Variants in DLC1 observed in about 807,000 individuals in gnomAD.
DLC1 encodes the protein DLC1 Rho GTPase activating protein.
DLC1 carries 54 observed loss-of-function variants against 140.3 expected under a neutral mutation model. The ratio of observed to expected loss-of-function variants is 0.38; its 90% CI spans 0.31 to 0.48. The LOEUF (loss-of-function observed/expected upper bound fraction) is 0.48. Among genes scored for constraint, DLC1 ranks in the 20% least tolerant of loss-of-function variants. DLC1 has a pLI of 0.96. For synonymous variants in DLC1, 986 were observed against 728.1 expected (o/e 1.35, Z -5.70); for missense variants, 2,536 against 1,907.0 (o/e 1.33, Z -6.14).
chr8:13,250,791 GTACT>G (rs1192735759), intron 5 of DLC1, among the ~76,000 whole-genome samples: 2 of 152,006 alleles, frequency 1.3e-5, no homozygotes, highest in Non-Finnish European at 2.9e-5. Flanking sequence ...AAAAAATAAA[GTACT>G]TACTTTAGTC....
intron 5 of DLC1, among the ~76,000 whole-genome samples, chr8:13,254,962 T>C (rs1830158066): frequency 7.9e-6 from 1 of 127,256 alleles, no homozygotes; most frequent in African/African-American, 2.8e-5. Context: ...TTATTTAAAG[T>C]ACTCTTTTTT....
intron 2 of DLC1, among the ~76,000 whole-genome samples, chr8:13,427,327 C>T (rs1838638114): frequency 6.6e-6 from 1 of 152,188 alleles, no homozygotes; most frequent in African/African-American, 2.4e-5. Context: ...TCTGTTCTGT[C>T]CTCCTGGATG....
At chr8:13,250,083 G>A (rs753715932) in intron 5 of DLC1, among the ~76,000 whole-genome samples, 2 of 152,198 alleles carry the variant, frequency 1.3e-5, no homozygotes, top group Non-Finnish European at 2.9e-5. Flanking sequence ...GGAATGGATT[G>A]CATTCATTGT....
intron 2 of DLC1, among the ~76,000 whole-genome samples, chr8:13,450,406 G>A (rs1461390361): frequency 7.8e-6 from 1 of 128,132 alleles, no homozygotes; most frequent in African/African-American, 3.0e-5. Context: ...AGTGAGCCAA[G>A]ATAGTGCCAC....
intron 2 of DLC1, among the ~76,000 whole-genome samples, chr8:13,405,173 G>T (rs552609283): frequency 1.3e-5 from 2 of 151,922 alleles, no homozygotes; most frequent in Non-Finnish European, 2.9e-5. Context: ...ACTCAGAACT[G>T]CATGTGCAGG....
intron 1 of DLC1, among the ~76,000 whole-genome samples, chr8:13,533,288 T>G (rs973874929): frequency 2.7e-4 from 41 of 152,142 alleles, no homozygotes; most frequent in Non-Finnish European, 5.7e-4. Context: ...CCTGAATTTT[T>G]CATTGTGAGA....
chr8:13,101,213 T>C (rs1158997578), intron 8 of DLC1, among the ~76,000 whole-genome samples: 1 of 152,218 alleles, frequency 6.6e-6, no homozygotes, highest in African/African-American at 2.4e-5. Flanking sequence ...GCCCGGTGTT[T>C]TGTTTTGTTC....
chr8:13,103,167 C>G (rs955749954), intron 7 of DLC1, among the ~76,000 whole-genome samples: 3 of 151,710 alleles, frequency 2.0e-5, no homozygotes, highest in Non-Finnish European at 2.9e-5. Context: ...AAAAACAAGC[C>G]GGGCCTGGTG....
At chr8:13,135,452 A>G (rs1035485541) in intron 5 of DLC1, among the ~76,000 whole-genome samples, 2 of 152,154 alleles carry the variant, frequency 1.3e-5, no homozygotes, top group Non-Finnish European at 2.9e-5. Context: ...AAGTGCTGGG[A>G]TAACAGGCGT....
chr8:13,209,127 A>C (rs1827813985), intron 5 of DLC1, among the ~76,000 whole-genome samples: 1 of 152,142 alleles, frequency 6.6e-6, no homozygotes, highest in South Asian at 2.1e-4. Context: ...AGATCTTTGG[A>C]CTGGGGAACT....
intron 5 of DLC1, among the ~76,000 whole-genome samples, chr8:13,303,188 A>C: frequency 6.6e-6 from 1 of 152,182 alleles, no homozygotes; most frequent in Admixed American, 6.5e-5. Context: ...TCTGGAGTAA[A>C]TTCCAATCAT....
intron 7 of DLC1, among the ~76,000 whole-genome samples, chr8:13,109,686 A>T (rs1430665952): frequency 1.4e-5 from 2 of 141,414 alleles, no homozygotes; most frequent in African/African-American, 6.4e-5. Context: ...GGAATTTGAG[A>T]CCATCCTGGC....
chr8:13,120,288 A>G (rs1481492322), intron 5 of DLC1, among the ~76,000 whole-genome samples: 1 of 145,124 alleles, frequency 6.9e-6, no homozygotes, highest in Non-Finnish European at 1.5e-5. Flanking sequence ...GGTGGCAGTG[A>G]GCTGAGATTG....
chr8:13,481,734 C>T (rs1470964871), intron 2 of DLC1, among the ~76,000 whole-genome samples: 1 of 152,132 alleles, frequency 6.6e-6, no homozygotes, highest in Non-Finnish European at 1.5e-5. Flanking sequence ...AATGTTATCC[C>T]CAGTACCTCA....
chr8:13,562,016 C>T (rs59936418), intron 1 of DLC1, among the ~76,000 whole-genome samples: 21,843 of 151,936 alleles, frequency 0.14, 1,845 homozygotes, highest in East Asian at 0.25. Context: ...ACAGGAGTTA[C>T]GGGTAGGTTG....
At chr8:13,424,153 C>G (rs1169857599) in intron 2 of DLC1, among the ~76,000 whole-genome samples, 2 of 151,910 alleles carry the variant, frequency 1.3e-5, no homozygotes, top group Non-Finnish European at 2.9e-5. Flanking sequence ...GAAATTAAAG[C>G]AAAACAAAAT....
chr8:13,277,661 T>C (rs1027138280), intron 5 of DLC1, among the ~76,000 whole-genome samples: 3 of 152,220 alleles, frequency 2.0e-5, no homozygotes, highest in African/African-American at 7.2e-5. Flanking sequence ...ATTTGGCAGA[T>C]TTTTTGCCTT....
At chr8:13,216,331 C>T (rs898022256) in intron 5 of DLC1, among the ~76,000 whole-genome samples, 4 of 152,166 alleles carry the variant, frequency 2.6e-5, no homozygotes, top group Non-Finnish European at 5.9e-5. Context: ...AGAAAACTCA[C>T]ATGATTTGTT....
At chr8:13,417,777 A>T (rs1280904948) in intron 2 of DLC1, among the ~76,000 whole-genome samples, 1 of 152,066 alleles carries the variant, frequency 6.6e-6, no homozygotes, top group Middle Eastern at 3.2e-3. Flanking sequence ...ATCCCTGAGG[A>T]ATCGCCACAC....
Sources: allele counts gnomAD v4.1 joint callset (sites outside exome capture counted in the v4.1 genomes callset), GRCh38; gene constraint gnomAD v4.1.1; transcripts MANE v1.5; gene names NCBI Gene and HGNC (gene_info 2026-07-23, HGNC 2026-07-21).